The following LUZP2 variants were observed in gnomAD, a reference collection of about 807,000 sequenced individuals.
LUZP2 encodes leucine zipper protein 2.
Under a neutral mutation model 51.6 loss-of-function variants are expected in LUZP2, and 52 were observed. The observed-to-expected ratio is 1.01, with a 90% CI of 0.81 to 1.27. The LOEUF (loss-of-function observed/expected upper bound fraction) is 1.27. Ranked by LOEUF, LUZP2 falls within the 50% of genes most tolerant of loss-of-function variation. The pLI, the probability that LUZP2 is intolerant of heterozygous loss-of-function variation, is 0.00. For missense variants in LUZP2, 436 were observed against 395.4 expected (o/e 1.10, Z -0.87); for synonymous variants, 154 against 137.3 (o/e 1.12, Z -0.85).
chr11:24,533,151 A>T (rs1851064672), intron 1 of LUZP2, among the ~76,000 whole-genome samples: 1 of 151,144 alleles, frequency 6.6e-6, no homozygotes, highest in Non-Finnish European at 1.5e-5. Flanking sequence ...CTGTCTGTGA[A>T]TTTCCATTGG....
chr11:24,697,510 C>T (rs1857285940), intron 1 of LUZP2, among the ~76,000 whole-genome samples: 2 of 152,186 alleles, frequency 1.3e-5, no homozygotes, highest in Non-Finnish European at 2.9e-5. Context: ...AAGCTAACTA[C>T]CTTTGCCCAT....
At chr11:24,725,862 A>T (rs145498065) in intron 1 of LUZP2, among the ~76,000 whole-genome samples, 89 of 152,258 alleles carry the variant, frequency 5.8e-4, no homozygotes, top group African/African-American at 2.0e-3. Context: ...TAGTGTTCTT[A>T]TGTAAAGGGG....
intron 9 of LUZP2, among the ~76,000 whole-genome samples, chr11:24,988,959 GA>G (rs1044475530): frequency 1.3e-5 from 2 of 151,748 alleles, no homozygotes; most frequent in Non-Finnish European, 2.9e-5. Context: ...GGTTTATTTG[GA>G]AAAATGCCTG....
chr11:24,618,295 C>T (rs1358841836), intron 1 of LUZP2, among the ~76,000 whole-genome samples: 2 of 152,206 alleles, frequency 1.3e-5, no homozygotes, highest in Admixed American at 6.5e-5. Context: ...TCTTCACTAA[C>T]ACCTTGAGGA....
In LUZP2 at chr11:24,909,895, G is replaced by T. The variant is rs112836844; in HGVS notation, c.459+3842G>T. Among the ~76,000 whole-genome samples, 1,147 of 152,222 alleles carry T rather than the reference G, an allele frequency of 7.5e-3. 17 individuals carry two copies. The highest frequency in any genetic ancestry group is 0.024 in the African/African-American group (976 of 41,516). ...TGGAACTGGCTAACAGGCAGAGGTTGGAACACTTTGGAGAGCTCAGAAAAA... is the reference window on the plus strand; with the variant it reads ...TGGAACTGGCTAACAGGCAGAGGTTTGAACACTTTGGAGAGCTCAGAAAAA... On this transcript the variant is annotated intron_variant, in intron 6 of 11. Coordinates refer to ENST00000336930, the MANE Select transcript of LUZP2 (RefSeq NM_001009909.4).
intron 1 of LUZP2, among the ~76,000 whole-genome samples, chr11:24,630,811 T>G (rs986643924): frequency 6.6e-6 from 1 of 151,868 alleles, no homozygotes; most frequent in East Asian, 1.9e-4. Flanking sequence ...TTAATAAGAT[T>G]GTTTCTTCTG....
At chr11:24,799,098 T>G (rs1849624414) in intron 5 of LUZP2, among the ~76,000 whole-genome samples, 1 of 152,200 alleles carries the variant, frequency 6.6e-6, no homozygotes, top group Non-Finnish European at 1.5e-5. Flanking sequence ...TTTCTGCTCC[T>G]CCATCATCAT....
At chr11:24,881,519 T>TA (rs1200607532) in intron 5 of LUZP2, among the ~76,000 whole-genome samples, 1 of 151,822 alleles carries the variant, frequency 6.6e-6, no homozygotes, top group Non-Finnish European at 1.5e-5. Context: ...ACCTGAGATG[T>TA]AAATGAGCCA....
At chr11:25,007,542 G>A (rs1856867446) in intron 9 of LUZP2, among the ~76,000 whole-genome samples, 1 of 152,158 alleles carries the variant, frequency 6.6e-6, no homozygotes, top group Non-Finnish European at 1.5e-5. Flanking sequence ...GGTAAAGGTT[G>A]CAGTGGGCCG....
intron 1 of LUZP2, among the ~76,000 whole-genome samples, chr11:24,616,426 T>A (rs12293420): frequency 0.041 from 6,153 of 151,454 alleles, 334 homozygotes; most frequent in African/African-American, 0.12. Context: ...ATTTTTAATG[T>A]TTTTTTGTTG....
At chr11:24,953,927 A>T (rs1855145343) in intron 7 of LUZP2, among the ~76,000 whole-genome samples, 1 of 152,088 alleles carries the variant, frequency 6.6e-6, no homozygotes, top group African/African-American at 2.4e-5. Flanking sequence ...GTACAGATGG[A>T]AGTTAAACAT....
At chr11:24,849,324 C>T (rs1462711327) in intron 5 of LUZP2, among the ~76,000 whole-genome samples, 1 of 152,078 alleles carries the variant, frequency 6.6e-6, no homozygotes, top group Non-Finnish European at 1.5e-5. Context: ...TGTTCCCCTC[C>T]CTGTGTCCAC....
chr11:24,764,490 T>TAAAAAAA (rs869045272), intron 5 of LUZP2, among the ~76,000 whole-genome samples: 18 of 94,058 alleles, frequency 1.9e-4, no homozygotes, highest in Admixed American at 2.7e-4. Flanking sequence ...ATCTCATCTC[T>TAAAAAAA]AAAAAAAAAA....
chr11:24,797,821 G>T (rs914071427), intron 5 of LUZP2, among the ~76,000 whole-genome samples: 17 of 152,096 alleles, frequency 1.1e-4, no homozygotes, highest in African/African-American at 4.1e-4. Context: ...AAATCTGCTG[G>T]CAAGATGCTA....
intron 1 of LUZP2, among the ~76,000 whole-genome samples, chr11:24,695,353 T>A (rs1857213372): frequency 6.6e-6 from 1 of 152,084 alleles, no homozygotes; most frequent in Non-Finnish European, 1.5e-5. Flanking sequence ...ATAATAATTA[T>A]ACATATATAT....
intron 5 of LUZP2, among the ~76,000 whole-genome samples, chr11:24,863,579 T>C (rs1342090842): frequency 6.6e-6 from 1 of 151,558 alleles, no homozygotes; most frequent in Non-Finnish European, 1.5e-5. Context: ...TGCTAATGAA[T>C]ACAGAGATTT....
intron 1 of LUZP2, among the ~76,000 whole-genome samples, chr11:24,601,982 A>ATATATGTGTATATATGTATATATATG (rs1853675643): frequency 9.2e-6 from 1 of 108,352 alleles, no homozygotes. Context: ...GTATATGTAT[A>ATATATGTGTATATATGTATATATATG]TATATGTGTA....
intron 5 of LUZP2, among the ~76,000 whole-genome samples, chr11:24,896,546 T>G (rs919516907): frequency 1.3e-5 from 2 of 152,172 alleles, no homozygotes; most frequent in East Asian, 3.9e-4. Flanking sequence ...GCTCAGGACC[T>G]GCAGCCTCCC....
At chr11:24,566,577 CATAT>C (rs1323212273) in intron 1 of LUZP2, among the ~76,000 whole-genome samples, 1 of 138,968 alleles carries the variant, frequency 7.2e-6, no homozygotes, top group Non-Finnish European at 1.5e-5. Context: ...TATCTATACA[CATAT>C]ATATGTATGT....
Sources: allele counts gnomAD v4.1 joint callset (sites outside exome capture counted in the v4.1 genomes callset), GRCh38; gene constraint gnomAD v4.1.1; transcripts MANE v1.5; gene names NCBI Gene and HGNC (gene_info 2026-07-23, HGNC 2026-07-21).